DEPTOR: variants seen among roughly 807,000 people sequenced by gnomAD.
The protein encoded by DEPTOR is DEP domain-containing mTOR-interacting protein.
In DEPTOR, 41 loss-of-function variants were observed where a neutral mutation model predicts 41.6. That is an observed-to-expected ratio of 0.98 (90% CI 0.77 to 1.28). The LOEUF is 1.28. Among genes scored for constraint, DEPTOR ranks in the 50% most tolerant of loss-of-function variants. DEPTOR has a pLI of 0.00. For synonymous variants in DEPTOR, 195 were observed against 192.3 expected (o/e 1.01, Z -0.12); for missense variants, 514 against 527.9 (o/e 0.97, Z 0.26).
chr8:119,929,361 G>A (rs1030966649), intron 2 of DEPTOR, among the ~76,000 whole-genome samples: 1 of 151,922 alleles, frequency 6.6e-6, no homozygotes, highest in Non-Finnish European at 1.5e-5. Flanking sequence ...TGTGTTCCTG[G>A]GGCACTGGGT....
intron 4 of DEPTOR, among the ~76,000 whole-genome samples, chr8:119,980,628 C>T (rs1465699218): frequency 1.3e-5 from 2 of 151,782 alleles, no homozygotes; most frequent in Non-Finnish European, 1.5e-5. Context: ...AGCAACTCTC[C>T]TGCCTCAGCC....
chr8:120,046,567 G>T (rs1317733611), intron 8 of DEPTOR, among the ~76,000 whole-genome samples: 3 of 151,818 alleles, frequency 2.0e-5, no homozygotes, highest in Non-Finnish European at 4.4e-5. Flanking sequence ...CCACTGTATG[G>T]ATATACTGAA....
chr8:119,940,201 G>C (rs1828184486), intron 3 of DEPTOR, among the ~76,000 whole-genome samples: 1 of 151,896 alleles, frequency 6.6e-6, no homozygotes. Context: ...TGGGCAACAA[G>C]AGTGAAACTC....
At chr8:119,906,122 A>G (rs1827660043) in intron 1 of DEPTOR, among the ~76,000 whole-genome samples, 2 of 152,084 alleles carry the variant, frequency 1.3e-5, no homozygotes, top group African/African-American at 4.8e-5. Flanking sequence ...ATGTACTACT[A>G]TACTAATGCA....
At chr8:120,011,924 A>G (rs947742656) in intron 8 of DEPTOR, among the ~76,000 whole-genome samples, 30 of 152,182 alleles carry the variant, frequency 2.0e-4, no homozygotes, top group Admixed American at 2.0e-4. Context: ...CCATCACTGT[A>G]TTATTACACA....
At chr8:119,946,980 A>G (rs767134601) in intron 3 of DEPTOR, among the ~76,000 whole-genome samples, 60 of 152,166 alleles carry the variant, frequency 3.9e-4, no homozygotes, top group Non-Finnish European at 6.9e-4. Context: ...TGCAAGGGTC[A>G]GCTCTGAGGG....
chr8:119,975,666 G>A (rs918351587), intron 4 of DEPTOR, among the ~76,000 whole-genome samples: 27 of 151,998 alleles, frequency 1.8e-4, no homozygotes, highest in Non-Finnish European at 1.5e-5. Flanking sequence ...CTAAAACTGG[G>A]CTGGGTAAGC....
chr8:119,990,303 G>A (rs1812131716), intron 4 of DEPTOR, among the ~76,000 whole-genome samples: 2 of 151,790 alleles, frequency 1.3e-5, no homozygotes, highest in Non-Finnish European at 2.9e-5. Flanking sequence ...GACTACAGGC[G>A]CCCACCACCA....
At chr8:119,972,640 A>G (rs1828647898) in intron 4 of DEPTOR, among the ~76,000 whole-genome samples, 1 of 103,142 alleles carries the variant, frequency 9.7e-6, no homozygotes, top group Non-Finnish European at 2.1e-5. Context: ...AAAAAAAAAA[A>G]AAAAAGTAAT....
chr8:119,899,995 G>C (rs1382568722), intron 1 of DEPTOR, among the ~76,000 whole-genome samples: 3 of 152,006 alleles, frequency 2.0e-5, no homozygotes, highest in African/African-American at 7.3e-5. Context: ...TTAGTACCAG[G>C]AATGGGTAAA....
intron 4 of DEPTOR, among the ~76,000 whole-genome samples, chr8:119,967,789 C>G (rs1406062476): frequency 1.3e-5 from 2 of 149,810 alleles, no homozygotes; most frequent in African/African-American, 4.9e-5. Context: ...TATTGTTTTA[C>G]AGTACTTTTA....
intron 1 of DEPTOR, among the ~76,000 whole-genome samples, chr8:119,884,828 TCCG>T (rs1827343626): frequency 6.8e-6 from 1 of 147,620 alleles, no homozygotes; most frequent in African/African-American, 2.7e-5. Context: ...CACTGCAACC[TCCG>T]CTTCCAGGGT....
At chr8:120,039,208 G>A (rs1406551261) in intron 8 of DEPTOR, among the ~76,000 whole-genome samples, 2 of 152,160 alleles carry the variant, frequency 1.3e-5, no homozygotes, top group Non-Finnish European at 2.9e-5. Context: ...ACCATGTGAG[G>A]ACATAGAAGG....
intron 1 of DEPTOR, among the ~76,000 whole-genome samples, chr8:119,905,881 G>A (rs982507920): frequency 1.3e-5 from 2 of 152,124 alleles, no homozygotes; most frequent in African/African-American, 4.8e-5. Context: ...CACCTCAAAT[G>A]ATCCACCTGC....
At chr8:119,932,510 C>T (rs1828058141) in intron 3 of DEPTOR, among the ~76,000 whole-genome samples, 1 of 152,224 alleles carries the variant, frequency 6.6e-6, no homozygotes, top group Non-Finnish European at 1.5e-5. Context: ...GGGCCAGTCA[C>T]ACAGCACTGT....
At chr8:120,007,822 C>T (rs557091093) in intron 7 of DEPTOR, among the ~76,000 whole-genome samples, 7 of 152,298 alleles carry the variant, frequency 4.6e-5, no homozygotes, top group African/African-American at 1.7e-4. Flanking sequence ...GTATAATATA[C>T]AAATAACAGC....
chr8:119,995,356 C>T (rs912911400), intron 4 of DEPTOR, among the ~76,000 whole-genome samples: 110 of 152,104 alleles, frequency 7.2e-4, no homozygotes, highest in African/African-American at 2.6e-3. Flanking sequence ...GGAGGCAAGG[C>T]GAGTGGATCA....
intron 4 of DEPTOR, 104 bp from the exon 5 acceptor site, chr8:120,001,421 T>C: frequency 9.5e-7 from 1 of 1,051,796 alleles, no homozygotes; most frequent in Non-Finnish European, 1.3e-6. Flanking sequence ...AAGAGAAGTC[T>C]TTCTTGAGAC....
intron 1 of DEPTOR, among the ~76,000 whole-genome samples, chr8:119,910,732 C>T (rs1383116501): frequency 1.3e-5 from 2 of 151,988 alleles, no homozygotes; most frequent in Admixed American, 6.6e-5. Flanking sequence ...TCAGCCACTG[C>T]GCCCAGCCCC....
Sources: allele counts gnomAD v4.1 joint callset (sites outside exome capture counted in the v4.1 genomes callset), GRCh38; gene constraint gnomAD v4.1.1; transcripts MANE v1.5; gene names NCBI Gene and HGNC (gene_info 2026-07-23, HGNC 2026-07-21).